RNF150: variants seen among roughly 807,000 people sequenced by gnomAD.
RNF150 encodes the protein ring finger protein 150.
RNF150 carries 24 observed loss-of-function variants against 39.3 expected under a neutral mutation model. The ratio of observed to expected loss-of-function variants is 0.61; its 90% confidence interval spans 0.44 to 0.86. The LOEUF is 0.86. Among genes scored for constraint, RNF150 ranks in the 40% least tolerant of loss-of-function variants. RNF150 has a pLI of 0.00. For missense variants in RNF150, 502 were observed against 587.8 expected (o/e 0.85, Z 1.51); for synonymous variants, 255 against 227.3 (o/e 1.12, Z -1.10).
chr4:141,045,182 T>C lies in RNF150; in HGVS notation c.485-77309A>G, dbSNP rs1463582473. ...TTAAGCTATATTGAAACTCCCAACATTAATGTAATGAAGTAGAATGCCAAC... is the reference window on the plus strand; with the variant it reads ...TTAAGCTATATTGAAACTCCCAACACTAATGTAATGAAGTAGAATGCCAAC... On this transcript the variant is annotated intron_variant, in intron 1 of 6. Transcript: ENST00000515673. Among the ~76,000 whole-genome samples the C allele has an allele frequency of 1.2e-4, 19 of 152,308 alleles. No homozygotes were observed. The South Asian group carries it at 3.1e-3, about 25-fold the overall frequency.
intron 1 of RNF150, among the ~76,000 whole-genome samples, chr4:141,077,317 G>A (rs571863018): frequency 3.3e-5 from 5 of 152,122 alleles, no homozygotes; most frequent in East Asian, 1.9e-4. Flanking sequence ...ATACTACTCC[G>A]GAGTGAACTG....
At chr4:140,984,476 GA>G (rs1560999767) in intron 1 of RNF150, among the ~76,000 whole-genome samples, 1 of 152,128 alleles carries the variant, frequency 6.6e-6, no homozygotes, top group African/African-American at 2.4e-5. Flanking sequence ...TCAAGTCTAG[GA>G]TGGGAAGAAG....
intron 1 of RNF150, among the ~76,000 whole-genome samples, chr4:141,027,926 G>GTTTTTTTTT (rs61543533): frequency 1.9e-4 from 13 of 69,144 alleles, no homozygotes; most frequent in African/African-American, 3.8e-4. Context: ...TTTTTTTTTT[G>GTTTTTTTTT]TTTTTTTTTT....
chr4:140,988,372 T>C (rs957697344), intron 1 of RNF150, among the ~76,000 whole-genome samples: 3 of 151,900 alleles, frequency 2.0e-5, no homozygotes, highest in African/African-American at 7.3e-5. Flanking sequence ...AACAGCAGAT[T>C]GAATAAAGAA....
intron 1 of RNF150, among the ~76,000 whole-genome samples, chr4:141,209,665 A>G (rs1317003833): frequency 6.6e-6 from 1 of 152,108 alleles, no homozygotes; most frequent in African/African-American, 2.4e-5. Flanking sequence ...AAATTTATTA[A>G]GAGTTCATAA....
chr4:140,877,757 A>G (rs1729213833), intron 6 of RNF150, among the ~76,000 whole-genome samples: 1 of 152,252 alleles, frequency 6.6e-6, no homozygotes, highest in South Asian at 2.1e-4. Context: ...AATGTTAAGG[A>G]AACAAAGGTG....
chr4:141,114,484 C>A (rs1410847506), intron 1 of RNF150, among the ~76,000 whole-genome samples: 1 of 152,122 alleles, frequency 6.6e-6, no homozygotes, highest in East Asian at 1.9e-4. Context: ...AGACCAATAA[C>A]AAGTTCTGAA....
chr4:140,932,146 G>A (rs1731671123), intron 4 of RNF150, among the ~76,000 whole-genome samples: 1 of 152,150 alleles, frequency 6.6e-6, no homozygotes, highest in Admixed American at 6.5e-5. Context: ...TCAGGTACCT[G>A]AGAATCCCAT....
At chr4:141,098,023 G>A (rs1026173373) in intron 1 of RNF150, among the ~76,000 whole-genome samples, 2 of 151,884 alleles carry the variant, frequency 1.3e-5, no homozygotes, top group Non-Finnish European at 2.9e-5. Context: ...GGGGTGGGAG[G>A]AATCATACAC....
At chr4:141,003,210 T>C (rs930762570) in intron 1 of RNF150, among the ~76,000 whole-genome samples, 6 of 152,096 alleles carry the variant, frequency 3.9e-5, no homozygotes, top group African/African-American at 1.4e-4. Context: ...GGAATATTTT[T>C]AGGGAATAAA....
intron 6 of RNF150, among the ~76,000 whole-genome samples, chr4:140,896,694 A>AAAC (rs1553989300): frequency 1.0e-5 from 1 of 97,700 alleles, no homozygotes; most frequent in Non-Finnish European, 2.0e-5. Context: ...TAATAAAAAA[A>AAAC]AAAAAACAAA....
chr4:140,889,005 G>A (rs1334816712), intron 6 of RNF150, among the ~76,000 whole-genome samples: 1 of 152,008 alleles, frequency 6.6e-6, no homozygotes, highest in East Asian at 1.9e-4. Context: ...TACTATGTCA[G>A]TGCTGAGATT....
At chr4:140,897,551 A>C (rs1730009534) in intron 6 of RNF150, among the ~76,000 whole-genome samples, 1 of 152,170 alleles carries the variant, frequency 6.6e-6, no homozygotes, top group Non-Finnish European at 1.5e-5. Context: ...GAGAGTGACA[A>C]GAGTTTTCCC....
intron 1 of RNF150, among the ~76,000 whole-genome samples, chr4:141,085,001 C>T (rs779974501): frequency 6.6e-6 from 1 of 152,136 alleles, no homozygotes; most frequent in Non-Finnish European, 1.5e-5. Flanking sequence ...CTTGCTGTCT[C>T]ATTATGCTCA....
chr4:141,126,212 G>C (rs967729901), intron 1 of RNF150, among the ~76,000 whole-genome samples: 1 of 152,092 alleles, frequency 6.6e-6, no homozygotes, highest in Non-Finnish European at 1.5e-5. Context: ...GAAAAATGAA[G>C]TGGGAACTGA....
chr4:140,959,314 A>G (rs1732918481), intron 2 of RNF150, among the ~76,000 whole-genome samples: 1 of 152,120 alleles, frequency 6.6e-6, no homozygotes, highest in African/African-American at 2.4e-5. Flanking sequence ...TGATTATGTT[A>G]AAGAGTATTG....
intron 1 of RNF150, among the ~76,000 whole-genome samples, chr4:140,969,362 C>A (rs200875408): frequency 6.6e-6 from 1 of 152,060 alleles, no homozygotes; most frequent in African/African-American, 2.4e-5. Flanking sequence ...GCTGTTATTT[C>A]TGGGAATAAC....
chr4:141,132,904 C>G lies in RNF150; in HGVS notation c.-96G>C. ...CCAACCCCGGGCCGCTGCCTCTCCT[C>G]CTGCTGCTGCTCACTCCCGGGCCGG... On this transcript the variant is annotated 5_prime_UTR_variant, in exon 1 of 7. Coordinates refer to ENST00000515673, the MANE Select transcript of RNF150 (RefSeq NM_020724.2). This position sits in a 1 kb window ranked among gnomAD's most constrained non-coding sequence, Gnocchi z 4.9. 1 of 1,026,660 alleles carries G rather than the reference C, an allele frequency of 9.7e-7. No individual in the cohort carries two copies. Among genetic ancestry groups the G allele is most frequent in the South Asian group, 1.4e-5 (1 of 69,096 alleles). 63.6% of individuals were successfully genotyped at this position (1,026,660 alleles called of 1,614,324 possible).
intron 1 of RNF150, among the ~76,000 whole-genome samples, chr4:141,060,374 G>A (rs1485326655): frequency 1.3e-5 from 2 of 152,210 alleles, no homozygotes; most frequent in African/African-American, 4.8e-5. Context: ...CCAGGAGGTT[G>A]AGGTTGCACT....
Sources: allele counts gnomAD v4.1 joint callset (sites outside exome capture counted in the v4.1 genomes callset), GRCh38; gene constraint gnomAD v4.1.1; non-coding constraint Gnocchi (gnomAD v3.1); transcripts MANE v1.5; gene names NCBI Gene and HGNC (gene_info 2026-07-23, HGNC 2026-07-21).